Variants in TRAK1 observed in about 807,000 individuals in gnomAD.
TRAK1 encodes the protein trafficking kinesin protein 1, also known as trafficking kinesin-binding protein 1.
A neutral mutation model predicts 92.1 loss-of-function variants in TRAK1; 33 were observed. The observed-to-expected ratio is 0.36, with a 90% confidence interval of 0.27 to 0.48. The LOEUF is 0.48. Ranked by LOEUF, TRAK1 falls within the 20% of genes least tolerant of loss-of-function variation. The pLI is 0.99. For missense variants in TRAK1, 1,123 were observed against 1,257.9 expected, an observed-to-expected ratio of 0.89 and a Z score of 1.62; for synonymous variants, 521 against 517.3, an observed-to-expected ratio of 1.01 and a Z score of -0.10.
At chr3:42,026,524 CTT>C (rs779064338) in intron 1 of TRAK1, among the ~76,000 whole-genome samples, 9,217 of 134,790 alleles carry the variant, frequency 0.068, 295 homozygotes, top group Middle Eastern at 0.21. Flanking sequence ...TCAGTGATCT[CTT>C]TTTTTTTTTT....
At chr3:42,219,882 A>C (rs1413515480) in intron 15 of TRAK1, among the ~76,000 whole-genome samples, 3 of 123,346 alleles carry the variant, frequency 2.4e-5, no homozygotes, top group African/African-American at 9.3e-5. Context: ...TGCAACCTCC[A>C]CCTCCTGGGT....
At chr3:42,165,645 T>C (rs1483698369) in intron 2 of TRAK1, among the ~76,000 whole-genome samples, 1 of 152,196 alleles carries the variant, frequency 6.6e-6, no homozygotes, top group South Asian at 2.1e-4. Flanking sequence ...CCTGGGCCTT[T>C]GTTAATGTAG....
At chr3:42,092,653 C>A (rs1257048387) in intron 1 of TRAK1, among the ~76,000 whole-genome samples, 1 of 147,360 alleles carries the variant, frequency 6.8e-6, no homozygotes, top group Non-Finnish European at 1.5e-5. Flanking sequence ...CATCAAAGGG[C>A]CATGGCTTAG....
In TRAK1 at chr3:42,219,786, G is replaced by GTTTTTTTTTTTTTTTTTTTTTTTTTTTT. The variant is rs397989334; in HGVS notation, c.2066+217_2066+218insTTTTTTTTTTTTTTTTTTTTTTTTTTTT. 3.1e-5 allele frequency among the ~76,000 whole-genome samples: 2 copies of GTTTTTTTTTTTTTTTTTTTTTTTTTTTT among 63,498 alleles called. 1 individual carries two copies. The highest frequency in any genetic ancestry group is 1.7e-3 in the South Asian group (2 of 1,148). The allele number at this position is 63,498 out of a possible 152,430, so 41.7% of individuals were successfully genotyped here. ...ATCCTTCCTTTTGTTGTTGTTATGTGTTTTTTTTTTTTTTTTTTTTTTTTT... is the reference window on the plus strand; with the variant it reads ...ATCCTTCCTTTTGTTGTTGTTATGTGTTTTTTTTTTTTTTTTTTTTTTTTTTTTTTTTTTTTTTTTTTTTTTTTTTTTT... On this transcript the variant is annotated intron_variant, in intron 15 of 15. Transcript: ENST00000327628.
In TRAK1 at chr3:42,223,673, C is replaced by A; in HGVS notation, c.2798C>A (p.Pro933His). The A allele has an allele frequency of 6.2e-7, 1 of 1,614,066 alleles. No homozygotes were observed. The highest frequency in any genetic ancestry group is 8.5e-7 in the Non-Finnish European group (1 of 1,179,958). The change falls in exon 16 of 16, where the codon CCT becomes CAT. Residue 933 changes from proline to histidine, a missense_variant. Coordinates refer to ENST00000327628, the MANE Select transcript of TRAK1 (RefSeq NM_001042646.3). This position sits in a 1 kb window ranked among gnomAD's most constrained non-coding sequence, Gnocchi z 6.1. ...MVGSSMQMKA[P>H]VTLTSGILMG... ...GGATCTAGCATGCAGATGAAAGCTC[C>A]TGTGACTCTCACCTCGGGCATCTTG... is the stretch of plus-strand genomic sequence containing the variant.
At chr3:42,023,683 C>G (rs1038054552) in intron 1 of TRAK1, among the ~76,000 whole-genome samples, 2 of 151,124 alleles carry the variant, frequency 1.3e-5, no homozygotes, top group African/African-American at 4.9e-5. Flanking sequence ...ATCAGTTGTC[C>G]CAGCGGTGAG....
At chr3:42,080,754 G>A (rs1453528506) in intron 1 of TRAK1, among the ~76,000 whole-genome samples, 5 of 152,348 alleles carry the variant, frequency 3.3e-5, no homozygotes, top group Non-Finnish European at 7.3e-5. Context: ...GGCACATGCT[G>A]TGACTCATTC....
At chr3:42,020,673 A>G (rs1475771192) in intron 1 of TRAK1, among the ~76,000 whole-genome samples, 1 of 152,216 alleles carries the variant, frequency 6.6e-6, no homozygotes, top group African/African-American at 2.4e-5. Flanking sequence ...GTCATAAGAC[A>G]TATGTTCAGC....
At chr3:42,211,995 T>TG in intron 14 of TRAK1, 1 of 985,448 alleles carries the variant, frequency 1.0e-6, no homozygotes, top group Non-Finnish European at 1.2e-6. Flanking sequence ...GCTTATTTTC[T>TG]GGGTAAGGCT....
chr3:42,223,474 A>C lies in TRAK1; in HGVS notation c.2599A>C (p.Thr867Pro). Residue 867 changes from threonine to proline, a missense_variant, in exon 16 of 16, where the codon ACT (threonine) becomes CCT (proline). Physicochemically the swap from Thr to Pro is conservative, Grantham distance 38. Transcript: ENST00000327628. This position sits in a 1 kb window ranked among gnomAD's most constrained non-coding sequence, Gnocchi z 6.1. ...AGGGCGAGCCCATGTCCCCACCTTG[A>C]CTGAGGAGCAGGGACCCCTCCTCTG... Reference protein sequence around the residue: ...NSGRAHVPTLTEEQGPLLCGP... With the variant: ...NSGRAHVPTLPEEQGPLLCGP... The C allele has an allele frequency of 6.2e-7, 1 of 1,613,810 alleles. No homozygotes were observed. The highest frequency in any genetic ancestry group is 8.5e-7 in the Non-Finnish European group (1 of 1,179,996).
chr3:42,050,220 A>T (rs1033518126), intron 1 of TRAK1, among the ~76,000 whole-genome samples: 1 of 152,034 alleles, frequency 6.6e-6, no homozygotes, highest in Non-Finnish European at 1.5e-5. Flanking sequence ...TACACTGCTA[A>T]GTATAGATTT....
At chr3:42,154,756 G>T (rs1250179559) in intron 2 of TRAK1, among the ~76,000 whole-genome samples, 1 of 152,166 alleles carries the variant, frequency 6.6e-6, no homozygotes, top group Non-Finnish European at 1.5e-5. Context: ...AATTGTATGA[G>T]CAAGGTCTTT....
chr3:42,174,731 C>G (rs1559874748), intron 2 of TRAK1, among the ~76,000 whole-genome samples: 1 of 147,988 alleles, frequency 6.8e-6, no homozygotes, highest in African/African-American at 2.5e-5. Context: ...TATATATATA[C>G]AAAAATTTTT....
At chr3:42,078,679 G>A (rs1704272660) in intron 1 of TRAK1, among the ~76,000 whole-genome samples, 1 of 151,466 alleles carries the variant, frequency 6.6e-6, no homozygotes, top group Admixed American at 6.6e-5. Flanking sequence ...TGTGAACCTG[G>A]GAGGCGGAGC....
At chr3:42,065,366 G>T (rs1032107259) in intron 1 of TRAK1, among the ~76,000 whole-genome samples, 2 of 152,164 alleles carry the variant, frequency 1.3e-5, no homozygotes, top group African/African-American at 2.4e-5. Flanking sequence ...AAGAATATTT[G>T]CATTATACTT....
chr3:42,130,432 C>T (rs1697041291), intron 2 of TRAK1, among the ~76,000 whole-genome samples: 1 of 152,044 alleles, frequency 6.6e-6, no homozygotes, highest in Non-Finnish European at 1.5e-5. Flanking sequence ...ATAAGAGTTT[C>T]AAAATATTGT....
chr3:42,165,640 G>A (rs1241541989), intron 2 of TRAK1, among the ~76,000 whole-genome samples: 1 of 152,196 alleles, frequency 6.6e-6, no homozygotes, highest in South Asian at 2.1e-4. Context: ...TGAGTCCTGG[G>A]CCTTTGTTAA....
At chr3:42,077,057 GGTAA>G (rs1489692111) in intron 1 of TRAK1, among the ~76,000 whole-genome samples, 1 of 152,152 alleles carries the variant, frequency 6.6e-6, no homozygotes, top group Non-Finnish European at 1.5e-5. Context: ...TTTGAAATCA[GGTAA>G]GTGTGATCCT....
rs559089703 is a variant in TRAK1, at chr3:42,109,889, G to A, written c.92-15531G>A. The stretch of plus-strand genomic sequence containing the variant: ...ACACCGCATTTTCTCACTTACAGGC[G>A]GGAATTGAACTGTGAGAACACTTGG... On this transcript the variant is annotated intron_variant, in intron 1 of 15. Coordinates refer to ENST00000327628, the MANE Select transcript of TRAK1 (RefSeq NM_001042646.3). 4.0e-5 allele frequency among the ~76,000 whole-genome samples: 6 copies of A among 151,676 alleles called. No individual in the cohort carries two copies. The South Asian group carries it at 1.0e-3, about 26-fold the overall frequency.
Sources: gnomAD v4.1 joint callset for allele counts (sites outside exome capture counted in the v4.1 genomes callset) on GRCh38, gnomAD v4.1.1 for gene constraint, Gnocchi (gnomAD v3.1) non-coding constraint, MANE v1.5 for transcripts, NCBI Gene and HGNC (gene_info 2026-07-23, HGNC 2026-07-21) for gene names.